Variants in KDM6A observed in about 807,000 individuals in gnomAD.
The protein encoded by KDM6A is lysine-specific demethylase 6A.
A neutral mutation model predicts 117.6 loss-of-function variants in KDM6A; 11 were observed. The ratio of observed to expected loss-of-function variants is 0.09; its 90% CI spans 0.06 to 0.15. The LOEUF (loss-of-function observed/expected upper bound fraction) is 0.15. KDM6A is among the 10% of genes least tolerant of loss of function. The pLI, the probability that KDM6A is intolerant of heterozygous loss-of-function variation, is 1.00. For missense variants in KDM6A, 799 were observed against 1,077.3 expected (o/e 0.74, Z 3.62); for synonymous variants, 384 against 396.1 (o/e 0.97, Z 0.36).
At chrX:44,954,468 T>C (rs1232969183) in intron 2 of KDM6A, among the ~76,000 whole-genome samples, 1 of 112,198 alleles carries the variant, frequency 8.9e-6, no homozygotes, top group Non-Finnish European at 1.9e-5. Flanking sequence ...GAAACATCTT[T>C]TCTTGATATT....
intron 27 of KDM6A, chrX:45,106,613 C>G: frequency 2.9e-6 from 1 of 342,746 alleles, no homozygotes; most frequent in Non-Finnish European, 5.9e-6. Flanking sequence ...CCTCTCCGTT[C>G]AAATGGAGAA....
intron 27 of KDM6A, among the ~76,000 whole-genome samples, chrX:45,095,763 A>G (rs2046078087): frequency 8.9e-6 from 1 of 111,930 alleles, no homozygotes; most frequent in Non-Finnish European, 1.9e-5. Flanking sequence ...TACCCTTGGT[A>G]AGCCCAACAC....
chrX:45,105,588 G>T (rs946641089), intron 27 of KDM6A, among the ~76,000 whole-genome samples: 1 of 111,973 alleles, frequency 8.9e-6, no homozygotes, highest in African/African-American at 3.2e-5. Flanking sequence ...ACAAAGAGGA[G>T]CAGGTGCTAT....
intron 4 of KDM6A, among the ~76,000 whole-genome samples, chrX:44,996,312 C>T (rs1482030673): frequency 9.1e-6 from 1 of 109,748 alleles, no homozygotes; most frequent in East Asian, 2.9e-4. Context: ...TGGTCTCAAA[C>T]AATCCTCTCA....
chrX:45,018,054 A>G (rs1462251058), intron 5 of KDM6A, among the ~76,000 whole-genome samples: 1 of 111,593 alleles, frequency 9.0e-6, no homozygotes, highest in Non-Finnish European at 1.9e-5. Context: ...GAGCAATAAT[A>G]GGGGTAGAAG....
At position 45,005,255 on chromosome X, in the gene KDM6A, A is replaced by G. The variant is rs1219928894; in HGVS notation, c.385-5706A>G. Among the ~76,000 whole-genome samples the G allele has an allele frequency of 8.2e-5, 9 of 110,302 alleles. No individual in the cohort carries two copies. The Admixed American group carries it at 8.7e-4, about 11-fold the overall frequency. On this transcript the variant is annotated intron_variant, in intron 4 of 29. Transcript: ENST00000611820. ...GAGTGGAGGTGGAATTTGGAATGGG[A>G]TCTGAGGAGGCAGTGGCTGTCTGAG...
chrX:45,009,842 T>TC (rs1219331340), intron 4 of KDM6A, among the ~76,000 whole-genome samples: 1 of 111,699 alleles, frequency 9.0e-6, no homozygotes, highest in Non-Finnish European at 1.9e-5. Context: ...TGGCATACTT[T>TC]CCTTTCCTGA....
At chrX:44,927,360 CAA>C (rs1011025310) in intron 2 of KDM6A, among the ~76,000 whole-genome samples, 1 of 110,590 alleles carries the variant, frequency 9.0e-6, no homozygotes, top group Non-Finnish European at 1.9e-5. Context: ...ATATATAAAA[CAA>C]TAGCAATCTG....
At chrX:45,067,900 C>A (rs1415188209) in intron 17 of KDM6A, among the ~76,000 whole-genome samples, 1 of 110,797 alleles carries the variant, frequency 9.0e-6, no homozygotes, top group Non-Finnish European at 1.9e-5. Flanking sequence ...GATCTGCCTG[C>A]CTTGGCCTCC....
At chrX:45,011,113 T>C in intron 5 of KDM6A, 94 bp downstream of exon 5, 1 of 638,898 alleles carries the variant, frequency 1.6e-6, no homozygotes, top group South Asian at 2.5e-5. Flanking sequence ...GTGTGTGTAA[T>C]AAATAGAAAA....
At chrX:45,088,759 G>T (rs991299309) in intron 25 of KDM6A, among the ~76,000 whole-genome samples, 1 of 112,988 alleles carries the variant, frequency 8.9e-6, no homozygotes, top group Non-Finnish European at 1.9e-5. Context: ...GGGAAAGGTT[G>T]CTATGTTGTT....
intron 2 of KDM6A, among the ~76,000 whole-genome samples, chrX:44,906,244 C>T (rs780460080): frequency 1.8e-5 from 2 of 110,758 alleles, no homozygotes; most frequent in South Asian, 7.7e-4. Context: ...ACACTCTCCC[C>T]GGATTAAGCT....
chrX:44,895,999 T>G lies in KDM6A; in HGVS notation c.225+22012T>G, dbSNP rs185269736. ...ACTTACCACTGTCTACTGGTATTGG[T>G]GTTTTACCACTTTCAGTTAAGCACA... On this transcript the variant is annotated intron_variant, in intron 2 of 29. Transcript: ENST00000611820. 3.1e-4 allele frequency among the ~76,000 whole-genome samples: 34 copies of G among 111,060 alleles called. No individual in the cohort carries two copies. The East Asian group carries it at 5.6e-3, about 18-fold the overall frequency.
intron 4 of KDM6A, among the ~76,000 whole-genome samples, chrX:45,006,302 A>G (rs1365123205): frequency 9.3e-6 from 1 of 107,767 alleles, no homozygotes; most frequent in Non-Finnish European, 1.9e-5. Flanking sequence ...CGGGAGGGGA[A>G]TGTAATCATG....
chrX:44,996,527 C>G (rs1033126424), intron 4 of KDM6A, among the ~76,000 whole-genome samples: 4 of 109,881 alleles, frequency 3.6e-5, no homozygotes, highest in African/African-American at 1.3e-4. Flanking sequence ...TACACATACA[C>G]TTTGGAAGCA....
intron 2 of KDM6A, among the ~76,000 whole-genome samples, chrX:44,914,529 G>A (rs2035432977): frequency 9.0e-6 from 1 of 111,406 alleles, no homozygotes; most frequent in Admixed American, 9.6e-5. Flanking sequence ...AGAGCACTGT[G>A]TCAGGAGTGA....
intron 4 of KDM6A, among the ~76,000 whole-genome samples, chrX:45,000,820 G>C (rs1052956664): frequency 6.2e-5 from 7 of 112,630 alleles, no homozygotes; most frequent in African/African-American, 2.3e-4. Context: ...TACTACTCCA[G>C]GCTGTAGAAT....
At chrX:44,917,878 T>C (rs1164053482) in intron 2 of KDM6A, among the ~76,000 whole-genome samples, 1 of 112,294 alleles carries the variant, frequency 8.9e-6, no homozygotes, top group Non-Finnish European at 1.9e-5. Flanking sequence ...TAATAATGTC[T>C]AGTTAAGCAA....
chrX:44,885,698 G>A (rs974985348), intron 2 of KDM6A, among the ~76,000 whole-genome samples: 5 of 110,151 alleles, frequency 4.5e-5, no homozygotes, highest in African/African-American at 1.7e-4. Context: ...GTGAAACCCC[G>A]TCTCTACTAA....
Sources: gnomAD v4.1 joint callset for allele counts (sites outside exome capture counted in the v4.1 genomes callset) on GRCh38, gnomAD v4.1.1 for gene constraint, MANE v1.5 for transcripts, NCBI Gene and HGNC (gene_info 2026-07-23, HGNC 2026-07-21) for gene names.